ABTB2: variants seen among roughly 807,000 people sequenced by gnomAD.
ABTB2 encodes the protein ankyrin repeat and BTB/POZ domain-containing protein 2.
Under a neutral mutation model 104.1 loss-of-function variants are expected in ABTB2, and 56 were observed. That is an observed-to-expected ratio of 0.54 (90% CI 0.43 to 0.67). ABTB2 has a LOEUF of 0.67. ABTB2 is among the 30% of genes least tolerant of loss of function. The pLI, the probability that ABTB2 is intolerant of heterozygous loss-of-function variation, is 0.00. For missense variants in ABTB2, 1,279 were observed against 1,407.7 expected (o/e 0.91, Z 1.46); for synonymous variants, 606 against 608.2 (o/e 1.00, Z 0.05).
At chr11:34,284,993 C>T (rs1345363822) in intron 1 of ABTB2, among the ~76,000 whole-genome samples, 2 of 152,232 alleles carry the variant, frequency 1.3e-5, no homozygotes, top group Non-Finnish European at 2.9e-5. Flanking sequence ...AAACACCTTC[C>T]ATCCTCAGTC....
At chr11:34,335,405 G>A in intron 1 of ABTB2, 1 of 808,734 alleles carries the variant, frequency 1.2e-6, no homozygotes, top group Non-Finnish European at 2.2e-6. Context: ...ACTTTTCTAA[G>A]AGCACTTCTC....
chr11:34,202,071 C>T (rs1048559469), intron 2 of ABTB2, among the ~76,000 whole-genome samples: 4 of 152,190 alleles, frequency 2.6e-5, no homozygotes, highest in Non-Finnish European at 5.9e-5. Context: ...GATAAAGTTT[C>T]CAATCTCAGG....
At chr11:34,171,178 G>T (rs1852869683) in intron 4 of ABTB2, 107 bp from the exon 5 acceptor site, 2 of 1,228,642 alleles carry the variant, frequency 1.6e-6, no homozygotes, top group East Asian at 2.5e-5. Flanking sequence ...ATGAGGATGG[G>T]TGGGAAGCAC....
chr11:34,288,281 G>A (rs1411534894), intron 1 of ABTB2, among the ~76,000 whole-genome samples: 1 of 152,084 alleles, frequency 6.6e-6, no homozygotes, highest in Non-Finnish European at 1.5e-5. Flanking sequence ...TGCTATACTT[G>A]TCTTATCACC....
chr11:34,328,188 C>T (rs1052356801), intron 1 of ABTB2, among the ~76,000 whole-genome samples: 1 of 152,196 alleles, frequency 6.6e-6, no homozygotes, highest in African/African-American at 2.4e-5. Context: ...CTCAGTATCC[C>T]CCCTTCTGGA....
At chr11:34,276,541 C>T (rs1246498901) in intron 1 of ABTB2, among the ~76,000 whole-genome samples, 1 of 152,332 alleles carries the variant, frequency 6.6e-6, no homozygotes, top group African/African-American at 2.4e-5. Context: ...TGGCTCTCCC[C>T]CATCCGGGCC....
intron 1 of ABTB2, among the ~76,000 whole-genome samples, chr11:34,306,236 ATTTTTTTTT>A (rs34872949): frequency 5.8e-4 from 42 of 71,974 alleles, no homozygotes; most frequent in Non-Finnish European, 7.5e-4. Flanking sequence ...GGAAAGTTTG[ATTTTTTTTT>A]TTTTTTTTTT....
chr11:34,326,553 C>A (rs11032615), intron 1 of ABTB2, among the ~76,000 whole-genome samples: 1 of 150,732 alleles, frequency 6.6e-6, no homozygotes, highest in East Asian at 1.9e-4. Flanking sequence ...TCACTTGAAT[C>A]TGGGAGGCAG....
At chr11:34,161,677 C>G (rs1248923760) in intron 10 of ABTB2, among the ~76,000 whole-genome samples, 1 of 152,190 alleles carries the variant, frequency 6.6e-6, no homozygotes, top group Non-Finnish European at 1.5e-5. Context: ...AGTTCCCCAG[C>G]ATGTGTCAGT....
At chr11:34,254,274 C>A (rs953124310) in intron 1 of ABTB2, among the ~76,000 whole-genome samples, 5 of 151,854 alleles carry the variant, frequency 3.3e-5, no homozygotes, top group African/African-American at 1.2e-4. Flanking sequence ...TTGAGACAGA[C>A]TTTCACTTTA....
chr11:34,277,779 G>A (rs1350086002), intron 1 of ABTB2, among the ~76,000 whole-genome samples: 1 of 145,958 alleles, frequency 6.9e-6, no homozygotes, highest in Non-Finnish European at 1.5e-5. Context: ...AAAACAAAAT[G>A]AAACAAAACA....
chr11:34,285,182 G>A (rs72914540), intron 1 of ABTB2, among the ~76,000 whole-genome samples: 12,779 of 152,170 alleles, frequency 0.084, 597 homozygotes, highest in Non-Finnish European at 0.11. Flanking sequence ...AAACCCAACC[G>A]AGGGGACCGG....
chr11:34,289,935 C>T (rs1048354988), intron 1 of ABTB2, among the ~76,000 whole-genome samples: 1 of 152,186 alleles, frequency 6.6e-6, no homozygotes, highest in African/African-American at 2.4e-5. Flanking sequence ...ATTTGAGTAA[C>T]TTTTAGGCAA....
rs1054629476 is a variant in ABTB2 at position 34,340,105 on chromosome 11, G to A, written c.883+16596C>T. Among the ~76,000 whole-genome samples the A allele has an allele frequency of 2.0e-5, 3 of 152,030 alleles. No individual in the cohort carries two copies. In the South Asian group the frequency reaches 6.2e-4, roughly 31 times the overall value. On this transcript the variant is annotated intron_variant, in intron 1 of 16. Coordinates refer to ENST00000435224, the MANE Select transcript of ABTB2 (RefSeq NM_145804.3). ...AAAAAGGACAGGAAGGAAGGGAAGG[G>A]AAGAAGGAAGAATAAAAGACCACAC...
chr11:34,291,775 C>T (rs1372870059), intron 1 of ABTB2, among the ~76,000 whole-genome samples: 2 of 152,150 alleles, frequency 1.3e-5, no homozygotes, highest in African/African-American at 2.4e-5. Flanking sequence ...GGATTACAGG[C>T]GTGAGCCACC....
chr11:34,302,779 C>T (rs1854722826), intron 1 of ABTB2, among the ~76,000 whole-genome samples: 1 of 152,166 alleles, frequency 6.6e-6, no homozygotes, highest in African/African-American at 2.4e-5. Context: ...GTGACATAAT[C>T]AAAGGCCCAG....
At chr11:34,351,643 C>T (rs886306452) in intron 1 of ABTB2, among the ~76,000 whole-genome samples, 1 of 152,164 alleles carries the variant, frequency 6.6e-6, no homozygotes, top group Non-Finnish European at 1.5e-5. Context: ...AAATTTTAAA[C>T]CTGTATGGCG....
At chr11:34,288,558 GAACA>G (rs1471494753) in intron 1 of ABTB2, among the ~76,000 whole-genome samples, 1 of 141,328 alleles carries the variant, frequency 7.1e-6, no homozygotes, top group Non-Finnish European at 1.6e-5. Flanking sequence ...ACAGAGCCCA[GAACA>G]GACAGAGTGT....
Position 34,306,236 on chromosome 11 carries a change from A to ATTTTTTTTTTT in ABTB2, c.883+50454_883+50464dup, listed in dbSNP as rs34872949. Among the ~76,000 whole-genome samples the ATTTTTTTTTTT allele has an allele frequency of 1.4e-4, 10 of 71,972 alleles. 1 individual carries two copies. The highest frequency in any genetic ancestry group is 6.5e-4 in the South Asian group (1 of 1,540). The allele number at this position is 71,972 out of a possible 152,430, so 47.2% of individuals were successfully genotyped here. A position where few individuals can be genotyped will look rare whatever the true frequency, so the allele number is the denominator to read the frequency against. On this transcript the variant is annotated intron_variant, in intron 1 of 16. Coordinates refer to ENST00000435224, the MANE Select transcript of ABTB2 (RefSeq NM_145804.3). Reference sequence around the variant, plus strand: ...TCCCACTAGCTGCCTGGAAAGTTTGATTTTTTTTTTTTTTTTTTTTTTTTT... The same window carrying ATTTTTTTTTTT: ...TCCCACTAGCTGCCTGGAAAGTTTGATTTTTTTTTTTTTTTTTTTTTTTTTTTTTTTTTTTT...
Sources: allele counts gnomAD v4.1 joint callset (sites outside exome capture counted in the v4.1 genomes callset), GRCh38; gene constraint gnomAD v4.1.1; transcripts MANE v1.5; gene names NCBI Gene and HGNC (gene_info 2026-07-23, HGNC 2026-07-21).